The following TMEM117 variants were observed in gnomAD, a reference collection of about 807,000 sequenced individuals.
TMEM117 encodes transmembrane protein 117.
A neutral mutation model predicts 52.4 loss-of-function variants in TMEM117; 27 were observed. The observed-to-expected ratio is 0.51, with a 90% CI of 0.38 to 0.71. The LOEUF (loss-of-function observed/expected upper bound fraction) is 0.71. TMEM117 is among the 30% of genes least tolerant of loss of function. The pLI is 0.00. For missense variants in TMEM117, 556 were observed against 630.5 expected, an observed-to-expected ratio of 0.88 and a Z score of 1.26; for synonymous variants, 215 against 206.3, an observed-to-expected ratio of 1.04 and a Z score of -0.36.
intron 5 of TMEM117, among the ~76,000 whole-genome samples, chr12:44,234,077 A>C (rs1331936166): frequency 6.6e-6 from 1 of 151,020 alleles, no homozygotes. Context: ...CTTTTCTTGC[A>C]CTATCCTTGT....
chr12:44,191,381 GTCTGTCTA>G (rs1949351493), intron 4 of TMEM117, among the ~76,000 whole-genome samples: 1 of 151,782 alleles, frequency 6.6e-6, no homozygotes, highest in African/African-American at 2.4e-5. Context: ...CTGTCTGTCT[GTCTGTCTA>G]TCTATGTATC....
At chr12:43,856,848 A>G (rs754349247) in intron 2 of TMEM117, among the ~76,000 whole-genome samples, 4 of 152,214 alleles carry the variant, frequency 2.6e-5, no homozygotes, top group African/African-American at 7.2e-5. Flanking sequence ...TTAAAAAGAC[A>G]TGAGATAGAT....
At chr12:44,333,838 A>C (rs537530600) in intron 6 of TMEM117, among the ~76,000 whole-genome samples, 1 of 152,104 alleles carries the variant, frequency 6.6e-6, no homozygotes, top group South Asian at 2.1e-4. Flanking sequence ...GAGACATGGC[A>C]TGGTCTGGGG....
intron 4 of TMEM117, among the ~76,000 whole-genome samples, chr12:44,158,204 A>T (rs951861097): frequency 3.3e-5 from 5 of 152,080 alleles, no homozygotes; most frequent in African/African-American, 1.2e-4. Flanking sequence ...AATTATCAGG[A>T]CCTCTCCTCT....
At chr12:44,225,072 T>G (rs1949843313) in intron 5 of TMEM117, among the ~76,000 whole-genome samples, 1 of 152,194 alleles carries the variant, frequency 6.6e-6, no homozygotes, top group African/African-American at 2.4e-5. Context: ...ATGCTGCATT[T>G]TCTTGATACA....
the TMEM117 span, among the ~76,000 whole-genome samples, chr12:43,812,872 A>AAG: frequency 6.6e-6 from 1 of 151,472 alleles, no homozygotes; most frequent in South Asian, 2.1e-4. Flanking sequence ...AAAAAAAAAA[A>AAG]AAAGTAGCCT....
intron 4 of TMEM117, among the ~76,000 whole-genome samples, chr12:44,192,297 T>C (rs1949365545): frequency 6.6e-6 from 1 of 152,200 alleles, no homozygotes; most frequent in Non-Finnish European, 1.5e-5. Context: ...CCTGTTCTGA[T>C]TGCACTGCCT....
intron 3 of TMEM117, among the ~76,000 whole-genome samples, chr12:43,982,253 A>G (rs980426469): frequency 5.3e-5 from 8 of 152,200 alleles, no homozygotes; most frequent in South Asian, 2.1e-4. Flanking sequence ...GGGTCAGCTA[A>G]AATAGTTTCC....
intron 4 of TMEM117, among the ~76,000 whole-genome samples, chr12:44,186,239 C>T (rs1216262299): frequency 6.6e-6 from 1 of 152,128 alleles, no homozygotes; most frequent in Non-Finnish European, 1.5e-5. Flanking sequence ...CTTCCAGGAC[C>T]AATACTGACA....
the TMEM117 span, among the ~76,000 whole-genome samples, chr12:43,807,288 C>A: frequency 6.6e-6 from 1 of 152,212 alleles, no homozygotes; most frequent in Non-Finnish European, 1.5e-5. Context: ...TGTTCCAGTA[C>A]TATACGATGT....
chr12:44,347,436 G>C (rs1438880895), intron 6 of TMEM117, among the ~76,000 whole-genome samples: 1 of 152,042 alleles, frequency 6.6e-6, no homozygotes, highest in African/African-American at 2.4e-5. Context: ...TTCTCTGAAT[G>C]ATTCCTATCT....
At chr12:43,873,034 G>T (rs1565729111) in intron 2 of TMEM117, among the ~76,000 whole-genome samples, 1 of 152,146 alleles carries the variant, frequency 6.6e-6, no homozygotes, top group African/African-American at 2.4e-5. Flanking sequence ...TTCATCAAAG[G>T]TGCCATGAGA....
chr12:44,239,504 C>T (rs914491459), intron 5 of TMEM117, among the ~76,000 whole-genome samples: 3 of 152,036 alleles, frequency 2.0e-5, no homozygotes, highest in African/African-American at 7.2e-5. Context: ...TTTTTGTATG[C>T]CTTTCTCTTC....
chr12:44,393,494 A>G (rs1952170070), downstream of TMEM117, among the ~76,000 whole-genome samples: 1 of 152,180 alleles, frequency 6.6e-6, no homozygotes, highest in Non-Finnish European at 1.5e-5. Flanking sequence ...CACTATACAG[A>G]TGGTGAACCT....
Position 44,223,732 on chromosome 12 carries a change from T to G in TMEM117, c.608+12345T>G, listed in dbSNP as rs553041414. Among the ~76,000 whole-genome samples the G allele has an allele frequency of 4.6e-5, 7 of 152,276 alleles. No individual in the cohort carries two copies. The South Asian group carries it at 1.5e-3, about 32-fold the overall frequency. On this transcript the variant is annotated intron_variant, in intron 5 of 7. Coordinates refer to ENST00000266534, the MANE Select transcript of TMEM117 (RefSeq NM_032256.3). ...TGTTTCCTGCTATTCAGATTGGAGT[T>G]TCACCTCAGTTAACTAACTCAGCCA... is the stretch of plus-strand genomic sequence containing the variant.
intron 3 of TMEM117, among the ~76,000 whole-genome samples, chr12:44,049,641 G>A (rs972668583): frequency 1.4e-4 from 21 of 150,684 alleles, no homozygotes; most frequent in Middle Eastern, 3.5e-3. Context: ...AGCACCAAAA[G>A]ACAAGTTTAT....
chr12:44,066,773 C>G (rs1219854300), intron 3 of TMEM117, among the ~76,000 whole-genome samples: 2 of 152,138 alleles, frequency 1.3e-5, no homozygotes, highest in Non-Finnish European at 2.9e-5. Flanking sequence ...GCTGACTGAT[C>G]ATGAAGGTGG....
intron 4 of TMEM117, among the ~76,000 whole-genome samples, chr12:44,147,232 A>G (rs1182187475): frequency 6.6e-6 from 1 of 152,206 alleles, no homozygotes; most frequent in Non-Finnish European, 1.5e-5. Context: ...ATGAAGCTGT[A>G]AATAAAACAA....
chr12:44,370,550 C>T (rs1210838233), intron 6 of TMEM117, among the ~76,000 whole-genome samples: 12 of 147,886 alleles, frequency 8.1e-5, no homozygotes, highest in Admixed American at 3.4e-4. Flanking sequence ...ACTGTGTCGC[C>T]CAGGCTGGAC....
Sources: gnomAD v4.1 joint callset for allele counts (sites outside exome capture counted in the v4.1 genomes callset) on GRCh38, gnomAD v4.1.1 for gene constraint, MANE v1.5 for transcripts, NCBI Gene and HGNC (gene_info 2026-07-23, HGNC 2026-07-21) for gene names.